The following CLEC16A variants were observed in gnomAD, a reference collection of about 807,000 sequenced individuals.
CLEC16A encodes protein CLEC16A.
Under a neutral mutation model 109.5 loss-of-function variants are expected in CLEC16A, and 51 were observed. The observed-to-expected ratio is 0.47, with a 90% CI of 0.37 to 0.59. CLEC16A has a LOEUF of 0.59. CLEC16A is among the 20% of genes least tolerant of loss of function. The probability of loss-of-function intolerance (pLI) is 0.00; values close to 1 mark genes in which losing one functional copy is unlikely to be tolerated. For synonymous variants in CLEC16A, 673 were observed against 564.2 expected (o/e 1.19, Z -2.73); for missense variants, 1,339 against 1,394.0 (o/e 0.96, Z 0.63).
rs36094157 is a variant in CLEC16A at position 11,022,337 on chromosome 16, CTTTTTTTTTTTT to C, written c.1436+2025_1436+2036del. Among the ~76,000 whole-genome samples the C allele has an allele frequency of 7.0e-4, 65 of 93,474 alleles. 2 individuals carry two copies. Among genetic ancestry groups the C allele is most frequent in the Middle Eastern group, 8.1e-3 (1 of 124 alleles). 61.3% of individuals were successfully genotyped at this position (93,474 alleles called of 152,430 possible). A position where few individuals can be genotyped will look rare whatever the true frequency, so the allele number is the denominator to read the frequency against. On this transcript the variant is annotated intron_variant, in intron 12 of 23. Coordinates refer to ENST00000409790, the MANE Select transcript of CLEC16A (RefSeq NM_015226.3). ...GGCCAGAGTCACCATGTCTGGCTACCTTTTTTTTTTTTTTTTTTTTTTTTGCAAAGACAGGAT... is the reference window on the plus strand; with the variant it reads ...GGCCAGAGTCACCATGTCTGGCTACCTTTTTTTTTTTTGCAAAGACAGGAT...
At chr16:11,084,273 C>T (rs1467194994) in intron 19 of CLEC16A, among the ~76,000 whole-genome samples, 1 of 152,112 alleles carries the variant, frequency 6.6e-6, no homozygotes, top group African/African-American at 2.4e-5. Flanking sequence ...TCTTCCCTGA[C>T]CACCAGATCT....
chr16:11,079,117 A>G (rs2049559116), intron 19 of CLEC16A, among the ~76,000 whole-genome samples: 2 of 152,126 alleles, frequency 1.3e-5, no homozygotes, highest in African/African-American at 4.8e-5. Context: ...AGCTGAACCC[A>G]TTCTGTGCTT....
At chr16:11,040,115 C>A in intron 14 of CLEC16A, 1 of 483,846 alleles carries the variant, frequency 2.1e-6, no homozygotes, top group South Asian at 3.7e-5. Context: ...AACCATCTTT[C>A]TTCTTCCACA....
At chr16:11,130,800 G>A (rs544761080) in intron 22 of CLEC16A, among the ~76,000 whole-genome samples, 8 of 152,302 alleles carry the variant, frequency 5.3e-5, no homozygotes, top group Admixed American at 1.3e-4. Context: ...CTGCTGCCTC[G>A]GGGTGGCTGC....
chr16:11,023,469 C>A (rs888684540), intron 12 of CLEC16A, among the ~76,000 whole-genome samples: 13 of 152,188 alleles, frequency 8.5e-5, no homozygotes, highest in African/African-American at 2.9e-4. Context: ...ACTATTAACA[C>A]ATCTGAAAGG....
chr16:11,116,662 G>T (rs2052017157), intron 19 of CLEC16A, among the ~76,000 whole-genome samples: 1 of 152,186 alleles, frequency 6.6e-6, no homozygotes, highest in Non-Finnish European at 1.5e-5. Flanking sequence ...TGTGCTTTTA[G>T]ATCAGGATGA....
intron 13 of CLEC16A, among the ~76,000 whole-genome samples, chr16:11,025,533 T>G (rs182939357): frequency 9.5e-4 from 144 of 152,330 alleles, no homozygotes; most frequent in Non-Finnish European, 1.7e-3. Context: ...CCACCTGGCT[T>G]GACATGGGCA....
intron 22 of CLEC16A, among the ~76,000 whole-genome samples, chr16:11,163,078 A>T (rs148982078): frequency 1.3e-5 from 2 of 152,264 alleles, no homozygotes; most frequent in East Asian, 3.9e-4. Context: ...TCGCAGCCCA[A>T]GTGTGTTTGA....
At chr16:11,145,877 G>C (rs1474753256) in intron 22 of CLEC16A, among the ~76,000 whole-genome samples, 2 of 152,194 alleles carry the variant, frequency 1.3e-5, no homozygotes, top group Admixed American at 1.3e-4. Context: ...CCATCACTCA[G>C]ATGAAAGCCA....
chr16:11,029,521 C>T (rs921070765), intron 13 of CLEC16A, among the ~76,000 whole-genome samples: 7 of 148,876 alleles, frequency 4.7e-5, no homozygotes, highest in Admixed American at 2.0e-4. Context: ...TGCTGAGGCC[C>T]GGATACTCTC....
At chr16:11,006,626 A>G (rs1271454540) in intron 11 of CLEC16A, among the ~76,000 whole-genome samples, 1 of 152,174 alleles carries the variant, frequency 6.6e-6, no homozygotes, top group East Asian at 1.9e-4. Flanking sequence ...GACGGGGAAA[A>G]TACAGGAGTA....
At chr16:11,107,438 G>A (rs1352296490) in intron 19 of CLEC16A, among the ~76,000 whole-genome samples, 1 of 152,178 alleles carries the variant, frequency 6.6e-6, no homozygotes, top group Non-Finnish European at 1.5e-5. Context: ...TAACCCATAA[G>A]CTGTTGCTGG....
intron 18 of CLEC16A, among the ~76,000 whole-genome samples, chr16:11,054,648 T>G (rs988682722): frequency 6.6e-6 from 1 of 152,238 alleles, no homozygotes; most frequent in African/African-American, 2.4e-5. Context: ...GCATCCACTT[T>G]AGAAAAGCTT....
intron 22 of CLEC16A, among the ~76,000 whole-genome samples, chr16:11,135,185 G>A (rs118145790): frequency 6.6e-6 from 1 of 152,224 alleles, no homozygotes; most frequent in African/African-American, 2.4e-5. Flanking sequence ...AAGTGGTGGG[G>A]CAGGGGTGTG....
intron 19 of CLEC16A, among the ~76,000 whole-genome samples, chr16:11,098,587 C>T (rs140120261): frequency 1.3e-5 from 2 of 152,158 alleles, no homozygotes; most frequent in African/African-American, 4.8e-5. Flanking sequence ...GTCCATAGAC[C>T]CTCCAGGGCC....
intron 19 of CLEC16A, among the ~76,000 whole-genome samples, chr16:11,108,933 A>G (rs2051387040): frequency 6.6e-6 from 1 of 151,758 alleles, no homozygotes; most frequent in South Asian, 2.1e-4. Context: ...ACATGGTGAA[A>G]CCCCATCTCT....
intron 12 of CLEC16A, chr16:11,024,488 C>A (rs1290711919): frequency 2.0e-5 from 5 of 255,768 alleles, no homozygotes; most frequent in Non-Finnish European, 3.9e-5. Context: ...GCATTGATGT[C>A]TGTTTGTTCT....
chr16:11,008,086 G>A (rs61569571), intron 11 of CLEC16A, among the ~76,000 whole-genome samples: 6 of 152,298 alleles, frequency 3.9e-5, no homozygotes, highest in East Asian at 3.9e-4. Flanking sequence ...ACTCTCGGTC[G>A]TTGTCAGGGG....
chr16:11,148,698 C>T (rs1337334965), intron 22 of CLEC16A, among the ~76,000 whole-genome samples: 2 of 152,200 alleles, frequency 1.3e-5, no homozygotes, highest in African/African-American at 4.8e-5. Flanking sequence ...TTTAGACTCC[C>T]AGGCCAGTGC....
Sources: gnomAD v4.1 joint callset for allele counts (sites outside exome capture counted in the v4.1 genomes callset) on GRCh38, gnomAD v4.1.1 for gene constraint, MANE v1.5 for transcripts, NCBI Gene and HGNC (gene_info 2026-07-23, HGNC 2026-07-21) for gene names.